The following ACTR5 variants were observed in gnomAD, a reference collection of about 807,000 sequenced individuals.
The protein encoded by ACTR5 is actin-related protein 5.
ACTR5 carries 43 observed loss-of-function variants against 61.2 expected under a neutral mutation model. The ratio of observed to expected loss-of-function variants is 0.70; its 90% CI spans 0.55 to 0.91. The LOEUF (loss-of-function observed/expected upper bound fraction) is 0.91, where lower values mean the gene tolerates loss of function less well. Among genes scored for constraint, ACTR5 ranks in the 40% least tolerant of loss-of-function variants. The pLI is 0.00. For synonymous variants in ACTR5, 333 were observed against 310.5 expected, an observed-to-expected ratio of 1.07 and a Z score of -0.76; for missense variants, 798 against 782.2, an observed-to-expected ratio of 1.02 and a Z score of -0.24.
Position 38,748,873 on chromosome 20 carries a change from G to T in ACTR5, c.375+20G>T. On this transcript the variant is annotated intron_variant, in intron 1 of 8. Coordinates refer to ENST00000243903, the MANE Select transcript of ACTR5 (RefSeq NM_024855.4). ...TCACAGGTGAAGGGCGGAGTAGGCT[G>T]GGCTGGGCTGGGTTTGAGGGGAGGG... 3 of 1,589,790 alleles carry T rather than the reference G, an allele frequency of 1.9e-6. No homozygotes were observed. Among genetic ancestry groups the T allele is most frequent in the Non-Finnish European group, 2.6e-6 (3 of 1,169,180 alleles).
intron 5 of ACTR5, among the ~76,000 whole-genome samples, chr20:38,762,397 A>T (rs1342925595): frequency 6.6e-6 from 1 of 152,250 alleles, no homozygotes; most frequent in Non-Finnish European, 1.5e-5. Context: ...CTTAGAAGTC[A>T]CATGACATCA....
chr20:38,750,016 G>C lies in ACTR5; in HGVS notation c.382G>C (p.Val128Leu). ...CCCTTTTCTTTCAAAGTAGGGCTGTGTTGATCATCCCATAGTTTTGACAGA... is the reference window on the plus strand; with the variant it reads ...CCCTTTTCTTTCAAAGTAGGGCTGTCTTGATCATCCCATAGTTTTGACAGA... ...QHLGVSSQGCVDHPIVLTEAV... is the reference protein window; with the variant it reads ...QHLGVSSQGCLDHPIVLTEAV... The change falls in exon 2 of 9, where the codon GTT becomes CTT. Residue 128 changes from valine to leucine, a missense_variant. Val to Leu is a conservative substitution (Grantham distance 32, BLOSUM62 1). Transcript: ENST00000243903. 6.2e-7 allele frequency: 1 copy of C among 1,613,874 alleles called. No individual in the cohort carries two copies. Among genetic ancestry groups the C allele is most frequent in the East Asian group, 2.2e-5 (1 of 44,884 alleles).
Position 38,748,509 on chromosome 20 carries a change from G to A in ACTR5, c.31G>A (p.Ala11Thr), listed in dbSNP as rs1261906605. Residue 11 changes from alanine to threonine, a missense_variant, in exon 1 of 9, where the codon GCC (alanine) becomes ACC (threonine). Physicochemically the swap from Ala to Thr is moderately conservative, Grantham distance 58 (BLOSUM62 0). Coordinates refer to ENST00000243903, the MANE Select transcript of ACTR5 (RefSeq NM_024855.4). ...GGCGAACGTGTTCCCGTTCCGCGAC[G>A]CCCGTGCCGCACCGGACCCAGTGCT... MAANVFPFRD[A>T]RAAPDPVLEA... is the part of the protein sequence containing the mutation. 4.0e-6 allele frequency: 6 copies of A among 1,496,394 alleles called. No individual in the cohort carries two copies. The South Asian group carries it at 6.3e-5, about 16-fold the overall frequency. The allele number at this position is 1,496,394 out of a possible 1,614,324, so 92.7% of individuals were successfully genotyped here.
rs569892967 is a variant in ACTR5 at position 38,752,092 on chromosome 20, C to T, written c.606-39C>T. The stretch of plus-strand genomic sequence containing the variant: ...CCAAGATGCTCCATATTTCTGTCCT[C>T]CAGAAATTTCAGTGCTGTTTTCTAC... On this transcript the variant is annotated intron_variant, in intron 2 of 8. Transcript: ENST00000243903. 6.1e-5 allele frequency: 97 copies of T among 1,590,182 alleles called. 2 individuals are homozygous for T. In the South Asian group the frequency reaches 1.0e-3, roughly 17 times the overall value.
At position 38,748,840 on chromosome 20, in the gene ACTR5, G is replaced by C; in HGVS notation, c.362G>C (p.Gly121Ala). 6.2e-7 allele frequency: 1 copy of C among 1,607,814 alleles called. No individual in the cohort carries two copies. Among genetic ancestry groups the C allele is most frequent in the Admixed American group, 1.7e-5 (1 of 59,696 alleles). Residue 121 changes from glycine (G) to alanine (A), a missense_variant, in exon 1 of 9, where the codon GGT becomes GCT. Transcript: ENST00000243903. ...LLLDYSFQHLGVSSQGCVDHP... is the reference protein window; with the variant it reads ...LLLDYSFQHLAVSSQGCVDHP... Reference sequence around the variant, plus strand: ...CTGGACTACAGCTTCCAGCACCTGGGTGTCTCCTCACAGGTGAAGGGCGGA... The same window carrying C: ...CTGGACTACAGCTTCCAGCACCTGGCTGTCTCCTCACAGGTGAAGGGCGGA...
intron 2 of ACTR5, among the ~76,000 whole-genome samples, chr20:38,750,541 G>T (rs1243999160): frequency 6.6e-6 from 1 of 152,126 alleles, no homozygotes; most frequent in Non-Finnish European, 1.5e-5. Context: ...CAGGTAGTAG[G>T]CATTCAGTAG....
At chr20:38,763,966 C>T (rs910042529) in intron 5 of ACTR5, among the ~76,000 whole-genome samples, 1 of 152,148 alleles carries the variant, frequency 6.6e-6, no homozygotes, top group Non-Finnish European at 1.5e-5. Flanking sequence ...GGAAAATCCC[C>T]CTCAAATACT....
rs200935648 is a variant in ACTR5, at chr20:38,771,627, A to G, written c.1635A>G (p.Leu545=). ...YGARDWALNH[L]DDNEVWITRK... is the part of the protein sequence containing the mutation. ...CTCGTGACTGGGCCTTGAACCACCT[A>G]GATGATAATGAAGTTTGGATCACCA... is the stretch of plus-strand genomic sequence containing the variant. Residue 545 remains leucine, a synonymous_variant, in exon 9 of 9, where the codon CTA becomes CTG. Transcript: ENST00000243903. The G allele has an allele frequency of 6.2e-7, 1 of 1,614,184 alleles. No individual in the cohort carries two copies. Among genetic ancestry groups the G allele is most frequent in the African/African-American group, 1.3e-5 (1 of 75,044 alleles).
chr20:38,767,697 T>G (rs998881144), intron 8 of ACTR5, 101 bp downstream of exon 8: 1 of 1,376,718 alleles, frequency 7.3e-7, no homozygotes, highest in African/African-American at 1.4e-5. Flanking sequence ...TTAACATTTT[T>G]GTGGCTTTTC....
At chr20:38,764,671 A>G (rs1418287576) in intron 5 of ACTR5, among the ~76,000 whole-genome samples, 4 of 152,088 alleles carry the variant, frequency 2.6e-5, no homozygotes, top group Admixed American at 6.5e-5. Context: ...GTTGGCACAT[A>G]CATTTATTTA....
At chr20:38,748,884 G>C in intron 1 of ACTR5, 31 bp downstream of exon 1, 1 of 1,578,738 alleles carries the variant, frequency 6.3e-7, no homozygotes, top group African/African-American at 1.4e-5. Context: ...GGCTGGGCTG[G>C]GTTTGAGGGG....
intron 1 of ACTR5, 61 bp downstream of exon 1, chr20:38,748,914 C>T (rs867878883): frequency 1.3e-6 from 2 of 1,530,014 alleles, no homozygotes; most frequent in East Asian, 2.5e-5. Flanking sequence ...GTCTCGTCTC[C>T]GCTCACTCTG....
intron 3 of ACTR5, among the ~76,000 whole-genome samples, chr20:38,753,965 T>TA (rs1408273348): frequency 6.6e-6 from 1 of 151,886 alleles, no homozygotes; most frequent in Non-Finnish European, 1.5e-5. Context: ...GAGATTACAG[T>TA]AAACACAACT....
Position 38,771,904 on chromosome 20 carries a change from T to C in ACTR5, c.*88T>C, listed in dbSNP as rs1960614642. On this transcript the variant is annotated 3_prime_UTR_variant, in exon 9 of 9. Coordinates refer to ENST00000243903, the MANE Select transcript of ACTR5 (RefSeq NM_024855.4). Reference sequence around the variant, plus strand: ...GGACTGTGATTGTGCTAGATGTACCTGCCCAAGTCTGCTGGTCACATTTGG... The same window carrying C: ...GGACTGTGATTGTGCTAGATGTACCCGCCCAAGTCTGCTGGTCACATTTGG... 2 of 1,475,534 alleles carry C rather than the reference T, an allele frequency of 1.4e-6. No individual in the cohort carries two copies. The highest frequency in any genetic ancestry group is 1.8e-6 in the Non-Finnish European group (2 of 1,111,294). The allele number at this position is 1,475,534 out of a possible 1,614,324, so 91.4% of individuals were successfully genotyped here. A position where few individuals can be genotyped will look rare whatever the true frequency, so the allele number is the denominator to read the frequency against.
At chr20:38,761,977 G>A (rs2145672998) in intron 5 of ACTR5, 1 of 152,328 alleles carries the variant, frequency 6.6e-6, no homozygotes, top group African/African-American at 2.4e-5. Flanking sequence ...CTGCCCCCCT[G>A]GAGCATATTT....
intron 3 of ACTR5, among the ~76,000 whole-genome samples, chr20:38,754,060 C>A (rs368571857): frequency 1.3e-5 from 2 of 151,966 alleles, no homozygotes; most frequent in African/African-American, 4.8e-5. Flanking sequence ...TTATTTCGCC[C>A]GGTTTATCTT....
intron 1 of ACTR5, among the ~76,000 whole-genome samples, chr20:38,749,632 G>C (rs2145662009): frequency 6.6e-6 from 1 of 152,338 alleles, no homozygotes; most frequent in East Asian, 1.9e-4. Context: ...AGAATGAATT[G>C]TCTTGGATCA....
chr20:38,766,162 G>A (rs918707965), intron 6 of ACTR5, 76 bp from the exon 7 acceptor site: 76 of 1,514,452 alleles, frequency 5.0e-5, no homozygotes, highest in Middle Eastern at 1.9e-4. Flanking sequence ...ATTAAGAAAC[G>A]CAGTTTGAGG....
chr20:38,755,666 G>A (rs2084416084), intron 4 of ACTR5, among the ~76,000 whole-genome samples, 191 bp from the exon 5 acceptor site: 1 of 151,352 alleles, frequency 6.6e-6, no homozygotes, highest in Non-Finnish European at 1.5e-5. Flanking sequence ...CTAATCAGTT[G>A]TTGCTGGAAC....
Sources: allele counts gnomAD v4.1 joint callset (sites outside exome capture counted in the v4.1 genomes callset), GRCh38; gene constraint gnomAD v4.1.1; transcripts MANE v1.5; gene names NCBI Gene and HGNC (gene_info 2026-07-23, HGNC 2026-07-21).